Variants in TTC39A observed in about 807,000 individuals in gnomAD.
TTC39A encodes the protein tetratricopeptide repeat domain 39A, also known as tetratricopeptide repeat protein 39A.
In TTC39A, 46 loss-of-function variants were observed where a neutral mutation model predicts 82.3. The observed-to-expected ratio is 0.56, with a 90% CI of 0.44 to 0.71. TTC39A has a LOEUF of 0.71. Among genes scored for constraint, TTC39A ranks in the 30% least tolerant of loss-of-function variants. TTC39A has a pLI of 0.00. For missense variants in TTC39A, 543 were observed against 712.9 expected, an observed-to-expected ratio of 0.76 and a Z score of 2.71; for synonymous variants, 254 against 275.2, an observed-to-expected ratio of 0.92 and a Z score of 0.76.
chr1:51,294,655 C>A lies in TTC39A; in HGVS notation c.1146-144G>T. 7.8e-7 allele frequency: 1 copy of A among 1,278,332 alleles called. No homozygotes were observed. The highest frequency in any genetic ancestry group is 1.5e-5 in the South Asian group (1 of 67,686). 79.2% of individuals were successfully genotyped at this position (1,278,332 alleles called of 1,614,324 possible). ...ATGACAGTGTTAGACTCTAAAGAGC[C>A]TTCTAGGTCTGAAATAGCCTGCGGC... On this transcript the variant is annotated intron_variant, in intron 13 of 17. Transcript: ENST00000680483. This position sits in a 1 kb window ranked among gnomAD's most constrained non-coding sequence, Gnocchi z 4.3.
In TTC39A at chr1:51,321,702, A is replaced by G. The variant is rs1645526462; in HGVS notation, c.146+19T>C. The stretch of plus-strand genomic sequence containing the variant: ...ACCGTCATGCACACCCCCTACCCCA[A>G]CCGGGGCTTGAGCCTCACCTGGGCT... On this transcript the variant is annotated intron_variant, in intron 2 of 17. Coordinates refer to ENST00000680483, the MANE Select transcript of TTC39A (RefSeq NM_001297663.2). This position sits in a 1 kb window ranked among gnomAD's most constrained non-coding sequence, Gnocchi z 4.6. 6.2e-7 allele frequency: 1 copy of G among 1,611,328 alleles called. No homozygotes were observed. The highest frequency in any genetic ancestry group is 8.5e-7 in the Non-Finnish European group (1 of 1,178,386).
intron 1 of TTC39A, among the ~76,000 whole-genome samples, chr1:51,341,031 C>A (rs1377358593): frequency 6.6e-6 from 1 of 152,044 alleles, no homozygotes; most frequent in Non-Finnish European, 1.5e-5. Flanking sequence ...ATTAGCTGGG[C>A]GTGGTGGCGC....
chr1:51,342,795 C>T (rs56284497), intron 1 of TTC39A, among the ~76,000 whole-genome samples: 4,568 of 152,244 alleles, frequency 0.03, 75 homozygotes, highest in African/African-American at 0.05. Context: ...CACAGGCCCA[C>T]TGGGGGATGC....
At chr1:51,322,574 AAATGAATGAATGAATGAATGAATG>A (rs140876899) in intron 1 of TTC39A, among the ~76,000 whole-genome samples, 1 of 149,786 alleles carries the variant, frequency 6.7e-6, no homozygotes, top group African/African-American at 2.5e-5. Context: ...TCTGTTAGGT[AAATGAATGAATGAATGAATGAATG>A]AATGAATGAA....
At position 51,330,481 on chromosome 1, in the gene TTC39A, C is replaced by A; in HGVS notation, c.-4G>T. Reference sequence around the variant, plus strand: ...GGGCGCCGCCAGCCGAGGTCATCGCCGAGGGGCGCGGGCGGCGCTGCCCCA... The same window carrying A: ...GGGCGCCGCCAGCCGAGGTCATCGCAGAGGGGCGCGGGCGGCGCTGCCCCA... On this transcript the variant is annotated 5_prime_UTR_variant, in exon 1 of 18. Transcript: ENST00000680483. This position sits in a 1 kb window ranked among gnomAD's most constrained non-coding sequence, Gnocchi z 4.5. 1 of 983,628 alleles carries A rather than the reference C, an allele frequency of 1.0e-6. No individual in the cohort carries two copies. Among genetic ancestry groups the A allele is most frequent in the South Asian group, 4.6e-5 (1 of 21,942 alleles). The allele number at this position is 983,628 out of a possible 1,614,324, so 60.9% of individuals were successfully genotyped here. A position where few individuals can be genotyped will look rare whatever the true frequency, so the allele number is the denominator to read the frequency against.
intron 5 of TTC39A, 38 bp from the exon 6 acceptor site, chr1:51,309,363 G>C (rs764291782): frequency 6.2e-7 from 1 of 1,612,200 alleles, no homozygotes; most frequent in Non-Finnish European, 8.5e-7. Flanking sequence ...TGGCCCAGGT[G>C]GGCAGCTGCA....
intron 2 of TTC39A, among the ~76,000 whole-genome samples, chr1:51,320,397 T>C (rs1263224176): frequency 6.8e-6 from 1 of 146,976 alleles, no homozygotes; most frequent in Non-Finnish European, 1.5e-5. Context: ...TTTTCTTTTC[T>C]TTTTTTCTTT....
At chr1:51,290,328 G>A (rs1036941678) in intron 15 of TTC39A, among the ~76,000 whole-genome samples, 186 bp downstream of exon 15, 1 of 152,250 alleles carries the variant, frequency 6.6e-6, no homozygotes, top group Non-Finnish European at 1.5e-5. Context: ...CCCCAAGGCT[G>A]CGGGAGCCCA....
At chr1:51,301,992 C>T in intron 11 of TTC39A, 1 of 660,788 alleles carries the variant, frequency 1.5e-6, no homozygotes. Flanking sequence ...AATGAAAGAG[C>T]AGGAGAGAGC....
At chr1:51,289,423 C>A (rs1051348200) in intron 16 of TTC39A, among the ~76,000 whole-genome samples, 1 of 152,176 alleles carries the variant, frequency 6.6e-6, no homozygotes, top group African/African-American at 2.4e-5. Flanking sequence ...TGACTTCACC[C>A]AGGCAGGTAA....
At chr1:51,305,949 G>T (rs767510846) in intron 7 of TTC39A, 28 bp downstream of exon 7, 4 of 1,604,926 alleles carry the variant, frequency 2.5e-6, no homozygotes, top group Non-Finnish European at 3.4e-6. Flanking sequence ...CAAGCCAGGT[G>T]CTGTGGAAAT....
chr1:51,303,706 CT>C (rs1644769240), intron 8 of TTC39A, among the ~76,000 whole-genome samples: 1 of 152,186 alleles, frequency 6.6e-6, no homozygotes, highest in Non-Finnish European at 1.5e-5. Flanking sequence ...CATTCTTGTT[CT>C]TTCTAAAACA....
At chr1:51,332,385 C>T (rs142311109), upstream of TTC39A, among the ~76,000 whole-genome samples, 102 of 152,302 alleles carry the variant, frequency 6.7e-4, 1 homozygote, top group East Asian at 0.011. Flanking sequence ...CACAGCCTCC[C>T]GAGTAGCTGA....
chr1:51,330,601 G>GGGCGGGGAAGGC (rs1645880746), upstream of TTC39A: 1 of 983,104 alleles, frequency 1.0e-6, no homozygotes, highest in Non-Finnish European at 1.2e-6. This position sits in a 1 kb window ranked among gnomAD's most constrained non-coding sequence, Gnocchi z 4.5. Context: ...GGCGCGCCGG[G>GGGCGGGGAAGGC]GGCGGGGAAG....
In TTC39A at chr1:51,305,145, G is replaced by A; in HGVS notation, c.590C>T (p.Thr197Ile). ...GATCCTAGTAGGAAGCATGGACAGT[G>A]TCTGCAAGAAAGGAGGCAATCAAGC... Reference protein sequence around the residue: ...VKLGVGAFNLTLSMLPTRILR... With the variant: ...VKLGVGAFNLILSMLPTRILR... Residue 197 changes from threonine to isoleucine, a missense_variant and splice_region_variant, in exon 8 of 18, where the codon ACA becomes ATA. Coordinates refer to ENST00000680483, the MANE Select transcript of TTC39A (RefSeq NM_001297663.2). 1 of 1,613,350 alleles carries A rather than the reference G, an allele frequency of 6.2e-7. No homozygotes were observed. The highest frequency in any genetic ancestry group is 8.5e-7 in the Non-Finnish European group (1 of 1,179,442).
intron 8 of TTC39A, 42 bp downstream of exon 8, chr1:51,305,039 T>G (rs746084133): frequency 6.2e-7 from 1 of 1,608,248 alleles, no homozygotes; most frequent in Non-Finnish European, 8.5e-7. Flanking sequence ...GCCCCAGTTC[T>G]GGGGCTGAGC....
chr1:51,339,819 G>A (rs1646013720), intron 1 of TTC39A, among the ~76,000 whole-genome samples: 1 of 152,166 alleles, frequency 6.6e-6, no homozygotes, highest in Non-Finnish European at 1.5e-5. Context: ...GAGCTGCTGG[G>A]GAATTAAGGG....
Position 51,312,302 on chromosome 1 carries a change from A to C in TTC39A, c.279-107T>G. Reference sequence around the variant, plus strand: ...ACATTCCTAAAGAGACAGAGCTAGCAAGAAAGAACACAGGCTTAGAGGTCA... The same window carrying C: ...ACATTCCTAAAGAGACAGAGCTAGCCAGAAAGAACACAGGCTTAGAGGTCA... On this transcript the variant is annotated intron_variant, in intron 3 of 17. Transcript: ENST00000680483. The C allele has an allele frequency of 2.7e-6, 3 of 1,126,088 alleles. No individual in the cohort carries two copies. The South Asian group carries it at 4.5e-5, about 17-fold the overall frequency. 69.8% of individuals were successfully genotyped at this position (1,126,088 alleles called of 1,614,324 possible). A position where few individuals can be genotyped will look rare whatever the true frequency, so the allele number is the denominator to read the frequency against.
Position 51,288,084 on chromosome 1 carries a change from G to C in TTC39A, c.*73C>G. ...CAAAGGCAGGGCAGGGCAGGGGGAG[G>C]GGGTATTTTGAAATGTTTTCAGGAG... On this transcript the variant is annotated 3_prime_UTR_variant, in exon 18 of 18. Coordinates refer to ENST00000680483, the MANE Select transcript of TTC39A (RefSeq NM_001297663.2). This position sits in a 1 kb window ranked among gnomAD's most constrained non-coding sequence, Gnocchi z 4.8. 1 of 1,586,152 alleles carries C rather than the reference G, an allele frequency of 6.3e-7. No homozygotes were observed. The highest frequency in any genetic ancestry group is 1.8e-5 in the Admixed American group (1 of 56,918).
Sources: allele counts gnomAD v4.1 joint callset (sites outside exome capture counted in the v4.1 genomes callset), GRCh38; gene constraint gnomAD v4.1.1; non-coding constraint Gnocchi (gnomAD v3.1); transcripts MANE v1.5; gene names NCBI Gene and HGNC (gene_info 2026-07-23, HGNC 2026-07-21).